Variants in PDS5B observed in about 807,000 individuals in gnomAD.
PDS5B encodes the protein PDS5 cohesin associated factor B.
A neutral mutation model predicts 184.1 loss-of-function variants in PDS5B; 51 were observed. The ratio of observed to expected loss-of-function variants is 0.28; its 90% CI spans 0.22 to 0.35. PDS5B has a LOEUF of 0.35. Among genes scored for constraint, PDS5B ranks in the 10% least tolerant of loss-of-function variants. The pLI is 1.00. For missense variants in PDS5B, 1,180 were observed against 1,723.3 expected (o/e 0.68, Z 5.58); for synonymous variants, 566 against 569.2 (o/e 0.99, Z 0.08).
chr13:32,716,996 C>T, intron 19 of PDS5B, among the ~76,000 whole-genome samples: 1 of 131,680 alleles, frequency 7.6e-6, no homozygotes, highest in Non-Finnish European at 1.7e-5. Flanking sequence ...GCCCGGCCAG[C>T]TGCCCCGTCC....
At chr13:32,726,974 GTTTT>G (rs144955454) in intron 19 of PDS5B, among the ~76,000 whole-genome samples, 2,308 of 152,106 alleles carry the variant, frequency 0.015, 57 homozygotes, top group African/African-American at 0.054. Context: ...TTCTGTTGTT[GTTTT>G]TTGTTTCCTT....
At chr13:32,693,107 C>T (rs1227965483) in intron 13 of PDS5B, among the ~76,000 whole-genome samples, 6 of 151,846 alleles carry the variant, frequency 4.0e-5, no homozygotes, top group East Asian at 1.9e-4. Context: ...ATGACTACCC[C>T]GTTTCTTTGA....
intron 3 of PDS5B, among the ~76,000 whole-genome samples, chr13:32,657,749 G>T (rs1214239838): frequency 6.6e-6 from 1 of 151,950 alleles, no homozygotes; most frequent in Admixed American, 6.6e-5. Context: ...TACAATGATT[G>T]GTAGGAAGCT....
intron 19 of PDS5B, among the ~76,000 whole-genome samples, chr13:32,717,563 C>T (rs1462136751): frequency 7.3e-6 from 1 of 136,700 alleles, no homozygotes; most frequent in South Asian, 2.5e-4. Flanking sequence ...CGGAAGGCCG[C>T]AGGGTCCTCT....
chr13:32,715,991 C>T (rs1254070103), intron 19 of PDS5B, among the ~76,000 whole-genome samples: 1 of 152,250 alleles, frequency 6.6e-6, no homozygotes, highest in Non-Finnish European at 1.5e-5. Flanking sequence ...AATGCAGTGG[C>T]GTGATCTTGG....
chr13:32,744,565 T>G (rs1166568006), intron 23 of PDS5B, among the ~76,000 whole-genome samples: 1 of 152,208 alleles, frequency 6.6e-6, no homozygotes, highest in East Asian at 1.9e-4. Context: ...AAAAAAAGTT[T>G]ACGAGGTTAA....
At chr13:32,760,166 A>G (rs571632450) in intron 29 of PDS5B, among the ~76,000 whole-genome samples, 5 of 152,166 alleles carry the variant, frequency 3.3e-5, no homozygotes, top group Non-Finnish European at 5.9e-5. Flanking sequence ...TGTGTTAGCC[A>G]GGATGGTCTC....
intron 1 of PDS5B, among the ~76,000 whole-genome samples, chr13:32,648,466 T>C (rs1297174677): frequency 6.6e-6 from 1 of 152,180 alleles, no homozygotes; most frequent in Non-Finnish European, 1.5e-5. Context: ...AAAGTATTTA[T>C]TTTTTATTTT....
chr13:32,741,035 CA>C (rs1188368500), intron 21 of PDS5B, 44 bp from the exon 22 acceptor site: 2 of 1,058,738 alleles, frequency 1.9e-6, no homozygotes, highest in Non-Finnish European at 2.8e-6. Flanking sequence ...TTCATATTTA[CA>C]TTTTAAAGTC....
chr13:32,716,612 A>G (rs1952431315), intron 19 of PDS5B, among the ~76,000 whole-genome samples: 4 of 132,778 alleles, frequency 3.0e-5, no homozygotes, highest in South Asian at 2.7e-4. Flanking sequence ...TCCGGGAGGG[A>G]GGTGGGGGGG....
At chr13:32,732,427 A>G (rs1953156226) in intron 20 of PDS5B, among the ~76,000 whole-genome samples, 2 of 152,182 alleles carry the variant, frequency 1.3e-5, no homozygotes, top group African/African-American at 4.8e-5. Context: ...AGATTCAGAA[A>G]TCAAGCATTG....
chr13:32,603,758 G>A (rs541882483), intron 1 of PDS5B, among the ~76,000 whole-genome samples: 12 of 152,020 alleles, frequency 7.9e-5, no homozygotes, highest in African/African-American at 1.9e-4. Context: ...CTTTTATTTC[G>A]TTGAGCAGTG....
At chr13:32,607,436 G>C (rs940904604) in intron 1 of PDS5B, among the ~76,000 whole-genome samples, 9 of 152,182 alleles carry the variant, frequency 5.9e-5, no homozygotes, top group African/African-American at 2.2e-4. Flanking sequence ...TGTCTCAGAG[G>C]GGCACCTGGC....
chr13:32,686,379 T>G (rs1951391179), intron 11 of PDS5B, among the ~76,000 whole-genome samples: 1 of 152,250 alleles, frequency 6.6e-6, no homozygotes, highest in Non-Finnish European at 1.5e-5. Flanking sequence ...TTAATACATC[T>G]TAATTACTAT....
Position 32,755,885 on chromosome 13 carries a change from A to T in PDS5B, c.2985A>T (p.Thr995=). 6.3e-7 allele frequency: 1 copy of T among 1,578,854 alleles called. No homozygotes were observed. Among genetic ancestry groups the T allele is most frequent in the Non-Finnish European group, 8.7e-7 (1 of 1,153,288 alleles). ...TACCAGAGTATGTTGTTCCATATAC[A>T]ATTCACCTTTTGGCACATGACCCAG... The part of the protein sequence containing the change: ...SLLPEYVVPY[T]IHLLAHDPDY... The change falls in exon 26 of 35, where the codon ACA becomes ACT. Residue 995 remains threonine, a synonymous_variant. Coordinates refer to ENST00000315596, the MANE Select transcript of PDS5B (RefSeq NM_015032.4).
chr13:32,664,723 G>A lies in PDS5B; in HGVS notation c.625-3041G>A, dbSNP rs564312755. Among the ~76,000 whole-genome samples the A allele has an allele frequency of 8.5e-5, 13 of 152,176 alleles. No individual in the cohort carries two copies. The South Asian group carries it at 1.7e-3, about 19-fold the overall frequency. ...TAGAAAAATTAGCTGGGCAAGTGACGCATGTCTGTAGTCCCAGTGACTTGG... is the reference window on the plus strand; with the variant it reads ...TAGAAAAATTAGCTGGGCAAGTGACACATGTCTGTAGTCCCAGTGACTTGG... On this transcript the variant is annotated intron_variant, in intron 6 of 34. Coordinates refer to ENST00000315596, the MANE Select transcript of PDS5B (RefSeq NM_015032.4).
intron 1 of PDS5B, among the ~76,000 whole-genome samples, chr13:32,636,328 A>G (rs2058558518): frequency 1.3e-5 from 2 of 152,230 alleles, no homozygotes; most frequent in Admixed American, 1.3e-4. Context: ...TGTCATGCTT[A>G]CGTATATGAA....
intron 1 of PDS5B, among the ~76,000 whole-genome samples, chr13:32,644,895 C>T (rs756926742): frequency 2.0e-5 from 3 of 152,064 alleles, no homozygotes; most frequent in African/African-American, 4.8e-5. Context: ...CTTGCCTTCC[C>T]GGGATAAACA....
At chr13:32,628,720 T>G (rs192444899) in intron 1 of PDS5B, among the ~76,000 whole-genome samples, 2 of 152,304 alleles carry the variant, frequency 1.3e-5, no homozygotes, top group East Asian at 3.9e-4. Context: ...CATACACACT[T>G]GAGTATAATG....
Sources: allele counts gnomAD v4.1 joint callset (sites outside exome capture counted in the v4.1 genomes callset), GRCh38; gene constraint gnomAD v4.1.1; transcripts MANE v1.5; gene names NCBI Gene and HGNC (gene_info 2026-07-23, HGNC 2026-07-21).